CPQ: variants seen among roughly 807,000 people sequenced by gnomAD.
CPQ encodes the protein Ser-Met dipeptidase.
Under a neutral mutation model 45.7 loss-of-function variants are expected in CPQ, and 37 were observed. The ratio of observed to expected loss-of-function variants is 0.81; its 90% confidence interval spans 0.62 to 1.07. The LOEUF (loss-of-function observed/expected upper bound fraction) is 1.07. CPQ is among the 50% of genes least tolerant of loss of function. The pLI is 0.00. For missense variants in CPQ, 537 were observed against 572.9 expected (o/e 0.94, Z 0.64); for synonymous variants, 186 against 205.8 (o/e 0.90, Z 0.82).
At chr8:96,917,873 G>T (rs932876442) in intron 4 of CPQ, among the ~76,000 whole-genome samples, 2 of 152,110 alleles carry the variant, frequency 1.3e-5, no homozygotes, top group Non-Finnish European at 2.9e-5. Flanking sequence ...ACCATTCATT[G>T]TCCAGTTCCA....
intron 1 of CPQ, among the ~76,000 whole-genome samples, chr8:96,701,401 CT>C (rs1189795155): frequency 1.3e-5 from 2 of 152,072 alleles, no homozygotes; most frequent in African/African-American, 4.8e-5. Flanking sequence ...GGACTAATGG[CT>C]GATGTAGCTA....
chr8:97,143,073 G>A lies in CPQ; in HGVS notation c.1309G>A (p.Gly437Arg), dbSNP rs776649168. The change falls in exon 8 of 8, where the codon GGA becomes AGA. Residue 437 changes from glycine to arginine, a missense_variant. By Grantham distance (125) the Gly-to-Arg change is moderately radical. Transcript: ENST00000220763. ...YKYFFFHHSHGDTMTVMDPKQ... is the reference protein window; with the variant it reads ...YKYFFFHHSHRDTMTVMDPKQ... ...GTATTTCTTCTTCCATCACTCCCACGGAGACACCATGACTGTCATGGATCC... is the reference window on the plus strand; with the variant it reads ...GTATTTCTTCTTCCATCACTCCCACAGAGACACCATGACTGTCATGGATCC... The A allele has an allele frequency of 2.2e-5, 35 of 1,613,776 alleles. No homozygotes were observed. Among genetic ancestry groups the A allele is most frequent in the South Asian group, 3.3e-5 (3 of 91,064 alleles).
At chr8:96,950,388 TTGACCCTGC>T (rs1813243403) in intron 4 of CPQ, among the ~76,000 whole-genome samples, 1 of 152,148 alleles carries the variant, frequency 6.6e-6, no homozygotes, top group South Asian at 2.1e-4. Flanking sequence ...GATTGATTTA[TTGACCCTGC>T]TGTATGCCAG....
At chr8:97,044,137 T>G (rs952372909) in intron 6 of CPQ, among the ~76,000 whole-genome samples, 1 of 152,236 alleles carries the variant, frequency 6.6e-6, no homozygotes, top group Non-Finnish European at 1.5e-5. Flanking sequence ...GACGTAGATT[T>G]GGTCTTTTCA....
At chr8:97,137,789 C>T (rs369727967) in intron 7 of CPQ, among the ~76,000 whole-genome samples, 3 of 151,974 alleles carry the variant, frequency 2.0e-5, no homozygotes, top group East Asian at 1.9e-4. Context: ...ATTAGCTGGG[C>T]GTGGTGGCAG....
chr8:96,932,175 A>AAAGGAAGGAAGG (rs144460338), intron 4 of CPQ, among the ~76,000 whole-genome samples: 4 of 151,744 alleles, frequency 2.6e-5, no homozygotes, highest in African/African-American at 9.7e-5. Flanking sequence ...ACTTGGGAAG[A>AAAGGAAGGAAGG]AAGGAAGGAA....
At chr8:96,695,736 A>G (rs1288140782) in intron 1 of CPQ, among the ~76,000 whole-genome samples, 4 of 151,492 alleles carry the variant, frequency 2.6e-5, no homozygotes, top group Non-Finnish European at 5.9e-5. Flanking sequence ...TAAAACCACA[A>G]TGAGATACCA....
intron 6 of CPQ, among the ~76,000 whole-genome samples, chr8:97,041,838 C>T (rs552747743): frequency 6.6e-6 from 1 of 152,186 alleles, no homozygotes; most frequent in Non-Finnish European, 1.5e-5. Context: ...ATGAAGCCCA[C>T]TTGATCATGG....
In CPQ at chr8:97,100,862, A is replaced by G. The variant is rs1811291779; in HGVS notation, c.1255+34652A>G. Among the ~76,000 whole-genome samples the G allele has an allele frequency of 2.0e-5, 3 of 152,294 alleles. No homozygotes were observed. The South Asian group carries it at 6.2e-4, about 32-fold the overall frequency. On this transcript the variant is annotated intron_variant, in intron 7 of 7. Coordinates refer to ENST00000220763, the MANE Select transcript of CPQ (RefSeq NM_016134.4). ...AATGAAATCTAGTGATTGATTGTTT[A>G]TTGGATAATTTCAAAATAGTACAAG... is the stretch of plus-strand genomic sequence containing the variant.
chr8:96,998,784 T>C (rs1809218775), intron 5 of CPQ, among the ~76,000 whole-genome samples: 1 of 152,044 alleles, frequency 6.6e-6, no homozygotes, highest in African/African-American at 2.4e-5. Context: ...GATTTAGTTA[T>C]TTGCCTGCTG....
At chr8:96,781,936 A>G (rs1490763329) in intron 1 of CPQ, among the ~76,000 whole-genome samples, 2 of 152,146 alleles carry the variant, frequency 1.3e-5, no homozygotes, top group African/African-American at 2.4e-5. Flanking sequence ...CTCAGAAATA[A>G]TTTTCTTTGA....
In CPQ at chr8:97,139,850, A is replaced by G. The variant is rs540810216; in HGVS notation, c.1256-3170A>G. On this transcript the variant is annotated intron_variant, in intron 7 of 7. Transcript: ENST00000220763. ...TAGAAAAAGAAAAGCAAATAAATCC[A>G]AAGAAAGGAGGAGTAAAATAATATA... 2.0e-5 allele frequency among the ~76,000 whole-genome samples: 3 copies of G among 152,086 alleles called. No homozygotes were observed. The South Asian group carries it at 6.2e-4, about 31-fold the overall frequency.
chr8:96,895,289 GAC>G (rs1812429674), intron 4 of CPQ, among the ~76,000 whole-genome samples: 1 of 152,166 alleles, frequency 6.6e-6, no homozygotes, highest in African/African-American at 2.4e-5. Context: ...TTAATTGAAA[GAC>G]AGTTGCTGTT....
chr8:96,817,466 GAGTT>G (rs1316721421), intron 2 of CPQ, among the ~76,000 whole-genome samples: 3 of 152,138 alleles, frequency 2.0e-5, no homozygotes, highest in African/African-American at 7.2e-5. Context: ...GAATTGAAGA[GAGTT>G]AGGGCTTTCC....
intron 3 of CPQ, among the ~76,000 whole-genome samples, chr8:96,838,014 A>G (rs145611555): frequency 2.6e-5 from 4 of 152,220 alleles, no homozygotes; most frequent in South Asian, 2.1e-4. Flanking sequence ...GTGACTTTGC[A>G]TATGCTTTCT....
At chr8:97,122,961 TA>T (rs1189356474) in intron 7 of CPQ, among the ~76,000 whole-genome samples, 4 of 59,478 alleles carry the variant, frequency 6.7e-5, no homozygotes, top group Non-Finnish European at 5.4e-5. Flanking sequence ...TAAAATAAAA[TA>T]AAATAAAATA....
At chr8:96,648,133 A>G (rs1437919555) in intron 1 of CPQ, among the ~76,000 whole-genome samples, 1 of 152,180 alleles carries the variant, frequency 6.6e-6, no homozygotes, top group Non-Finnish European at 1.5e-5. Flanking sequence ...TAAATGGGAA[A>G]TTATTTTGTT....
At chr8:96,739,796 G>T (rs1810054948) in intron 1 of CPQ, among the ~76,000 whole-genome samples, 1 of 150,482 alleles carries the variant, frequency 6.6e-6, no homozygotes, top group Admixed American at 6.6e-5. Flanking sequence ...ATTTCTGAGG[G>T]CTCTGTTCTG....
At chr8:97,107,113 G>C (rs961364456) in intron 7 of CPQ, among the ~76,000 whole-genome samples, 1 of 151,964 alleles carries the variant, frequency 6.6e-6, no homozygotes, top group Non-Finnish European at 1.5e-5. Flanking sequence ...TTTCAAAAAG[G>C]CTTAATAGGT....
Sources: gnomAD v4.1 joint callset for allele counts (sites outside exome capture counted in the v4.1 genomes callset) on GRCh38, gnomAD v4.1.1 for gene constraint, MANE v1.5 for transcripts, NCBI Gene and HGNC (gene_info 2026-07-23, HGNC 2026-07-21) for gene names.